DMD: variants seen among roughly 807,000 people sequenced by gnomAD.
DMD encodes the protein dystrophin.
DMD carries 63 observed loss-of-function variants against 330.1 expected under a neutral mutation model. The observed-to-expected ratio is 0.19, with a 90% CI of 0.16 to 0.24. The LOEUF is 0.24. DMD is among the 10% of genes least tolerant of loss of function. The pLI is 1.00. For missense variants in DMD, 3,344 were observed against 2,684.1 expected, an observed-to-expected ratio of 1.25 and a Z score of -5.43; for synonymous variants, 1,223 against 959.8, an observed-to-expected ratio of 1.27 and a Z score of -5.07.
chrX:31,809,167 GT>G (rs2092385708), intron 50 of DMD, among the ~76,000 whole-genome samples: 1 of 40,126 alleles, frequency 2.5e-5, no homozygotes, highest in Non-Finnish European at 4.6e-5. Flanking sequence ...ATATATATGA[GT>G]TTATATATAT....
At chrX:32,629,277 G>C (rs2058578009) in intron 11 of DMD, among the ~76,000 whole-genome samples, 1 of 111,747 alleles carries the variant, frequency 8.9e-6, no homozygotes, top group East Asian at 2.8e-4. Flanking sequence ...GACCGGCGTT[G>C]TCCCTTTTTA....
At chrX:31,716,749 T>TATAA (rs1556841549) in intron 52 of DMD, among the ~76,000 whole-genome samples, 2 of 106,507 alleles carry the variant, frequency 1.9e-5, no homozygotes, top group Non-Finnish European at 3.8e-5. Context: ...ATTGATAGTT[T>TATAA]ATATATCAGT....
intron 44 of DMD, among the ~76,000 whole-genome samples, chrX:32,133,446 T>C (rs1450759590): frequency 8.9e-6 from 1 of 111,858 alleles, no homozygotes; most frequent in East Asian, 2.8e-4. Context: ...AAATGTTATC[T>C]TATACAAACA....
intron 37 of DMD, among the ~76,000 whole-genome samples, chrX:32,355,563 T>A (rs2097796165): frequency 8.9e-6 from 1 of 111,922 alleles, no homozygotes; most frequent in Admixed American, 9.5e-5. Context: ...ATTACACATC[T>A]ACTTTAAAAA....
intron 1 of DMD, among the ~76,000 whole-genome samples, chrX:33,020,402 G>C (rs959563585): frequency 7.1e-5 from 8 of 111,975 alleles, no homozygotes; most frequent in Non-Finnish European, 1.5e-4. Context: ...GGCCAGGCGC[G>C]GTGGCTCACG....
chrX:32,716,639 C>T (rs944107588), intron 7 of DMD, among the ~76,000 whole-genome samples: 1 of 110,830 alleles, frequency 9.0e-6, no homozygotes, highest in Non-Finnish European at 1.9e-5. Context: ...AAGAAGCACA[C>T]GTTGGAACAG....
intron 43 of DMD, among the ~76,000 whole-genome samples, chrX:32,266,383 G>A (rs1022091853): frequency 1.8e-5 from 2 of 112,057 alleles, no homozygotes; most frequent in Non-Finnish European, 3.8e-5. Flanking sequence ...CAGTTCTTTA[G>A]AGCAGCATGA....
intron 47 of DMD, 131 bp from the exon 48 acceptor site, chrX:31,875,504 G>T: frequency 2.0e-6 from 1 of 499,562 alleles, no homozygotes; most frequent in Non-Finnish European, 3.2e-6. Flanking sequence ...TATTTTAGCA[G>T]CATAATATTG....
intron 9 of DMD, among the ~76,000 whole-genome samples, chrX:32,675,459 T>G (rs1293643531): frequency 8.9e-6 from 1 of 111,832 alleles, no homozygotes; most frequent in African/African-American, 3.2e-5. Context: ...AAAGTAACCT[T>G]TATTTTAAAC....
At chrX:31,784,155 T>C (rs770992374) in intron 50 of DMD, among the ~76,000 whole-genome samples, 4 of 112,163 alleles carry the variant, frequency 3.6e-5, no homozygotes, top group African/African-American at 9.7e-5. Flanking sequence ...CCAAAAACAA[T>C]TAACCTGATT....
chrX:31,415,637 T>C (rs2061835773), intron 60 of DMD, among the ~76,000 whole-genome samples: 2 of 112,291 alleles, frequency 1.8e-5, no homozygotes, highest in Admixed American at 1.9e-4. Context: ...TGGGTCTCAG[T>C]AGGACTGTGA....
rs138758597 is a variant in DMD, at chrX:33,089,025, G to A, written c.32-68825C>T. Among the ~76,000 whole-genome samples the A allele has an allele frequency of 7.4e-3, 804 of 107,962 alleles. 5 individuals are homozygous for A. The highest frequency in any genetic ancestry group is 0.026 in the African/African-American group (773 of 29,476). The allele number at this position is 107,962 out of a possible 115,157, so 93.8% of individuals were successfully genotyped here. A position where few individuals can be genotyped will look rare whatever the true frequency, so the allele number is the denominator to read the frequency against. ...TTGGCGGGTTCAAACGAATATTGGC[G>A]CCATGAGGAGGCTCATGATATCTAT... On this transcript the variant is annotated intron_variant, in intron 1 of 78. Coordinates refer to ENST00000357033, the MANE Select transcript of DMD (RefSeq NM_004006.3).
At chrX:31,208,268 T>G (rs1474343481) in intron 65 of DMD, among the ~76,000 whole-genome samples, 1 of 111,689 alleles carries the variant, frequency 9.0e-6, no homozygotes, top group Non-Finnish European at 1.9e-5. Flanking sequence ...TTCCTATCAC[T>G]GGAAAATTTT....
chrX:31,151,591 T>C (rs945833178), intron 74 of DMD, among the ~76,000 whole-genome samples: 1 of 112,497 alleles, frequency 8.9e-6, no homozygotes, highest in Non-Finnish European at 1.9e-5. Context: ...GTTTGGTATA[T>C]ACAACACATT....
rs150339638 is a variant in DMD, at chrX:32,446,339, C to T, written c.3786+2117G>A. Among the ~76,000 whole-genome samples the T allele has an allele frequency of 6.7e-3, 728 of 107,955 alleles. 4 individuals are homozygous for T. The highest frequency in any genetic ancestry group is 0.022 in the African/African-American group (663 of 29,994). 93.7% of individuals were successfully genotyped at this position (107,955 alleles called of 115,157 possible). A position where few individuals can be genotyped will look rare whatever the true frequency, so the allele number is the denominator to read the frequency against. On this transcript the variant is annotated intron_variant, in intron 27 of 78. Coordinates refer to ENST00000357033, the MANE Select transcript of DMD (RefSeq NM_004006.3). Reference sequence around the variant, plus strand: ...GGTACCAGAGAAAATGATAAAGAAACAATAACTTGACAGCAGATTTCCTAA... The same window carrying T: ...GGTACCAGAGAAAATGATAAAGAAATAATAACTTGACAGCAGATTTCCTAA...
At chrX:31,176,875 A>C (rs1393752423) in intron 71 of DMD, among the ~76,000 whole-genome samples, 1 of 111,847 alleles carries the variant, frequency 8.9e-6, no homozygotes, top group Non-Finnish European at 1.9e-5. Context: ...CCTATTAAAG[A>C]CTGAAAATAA....
intron 41 of DMD, among the ~76,000 whole-genome samples, chrX:32,318,607 TA>T (rs2097593972): frequency 9.0e-6 from 1 of 110,860 alleles, no homozygotes; most frequent in South Asian, 3.8e-4. Context: ...TTGCATCATC[TA>T]AAAAATTGCT....
intron 2 of DMD, among the ~76,000 whole-genome samples, chrX:32,867,169 TAA>T (rs35927892): frequency 8.6e-4 from 88 of 102,213 alleles, no homozygotes; most frequent in Middle Eastern, 5.1e-3. Flanking sequence ...TTGGAGAAGT[TAA>T]AAAAAAAAAA....
At chrX:33,179,257 G>A (rs997770956) in intron 1 of DMD, among the ~76,000 whole-genome samples, 1 of 111,639 alleles carries the variant, frequency 9.0e-6, no homozygotes, top group African/African-American at 3.3e-5. Context: ...TTCTAAACGA[G>A]GGATTTAATG....
Sources: gnomAD v4.1 joint callset for allele counts (sites outside exome capture counted in the v4.1 genomes callset) on GRCh38, gnomAD v4.1.1 for gene constraint, MANE v1.5 for transcripts, NCBI Gene and HGNC (gene_info 2026-07-23, HGNC 2026-07-21) for gene names.